Variants in KCNH7 observed in about 807,000 individuals in gnomAD.
KCNH7 encodes voltage-gated inwardly rectifying potassium channel KCNH7.
In KCNH7, 49 loss-of-function variants were observed where a neutral mutation model predicts 120.8. The ratio of observed to expected loss-of-function variants is 0.41; its 90% CI spans 0.32 to 0.51. KCNH7 has a LOEUF of 0.51. Ranked by LOEUF, KCNH7 falls within the 20% of genes least tolerant of loss-of-function variation. KCNH7 has a pLI of 0.38. For missense variants in KCNH7, 1,097 were observed against 1,446.6 expected, an observed-to-expected ratio of 0.76 and a Z score of 3.92; for synonymous variants, 547 against 516.1, an observed-to-expected ratio of 1.06 and a Z score of -0.81.
intron 2 of KCNH7, among the ~76,000 whole-genome samples, chr2:162,777,916 ATATAATT>A (rs1368559850): frequency 6.6e-6 from 1 of 152,176 alleles, no homozygotes; most frequent in East Asian, 1.9e-4. Flanking sequence ...AGCAGATTTT[ATATAATT>A]TATAAGACTG....
intron 4 of KCNH7, among the ~76,000 whole-genome samples, chr2:162,513,157 C>CTCCCTCCCTTCTT (rs1691137376): frequency 1.7e-5 from 1 of 58,428 alleles, no homozygotes; most frequent in Admixed American, 1.8e-4. Context: ...TCCTTCCTCC[C>CTCCCTCCCTTCTT]TCCCTCCCTC....
At chr2:162,615,870 T>C (rs950537243) in intron 2 of KCNH7, among the ~76,000 whole-genome samples, 3 of 152,188 alleles carry the variant, frequency 2.0e-5, no homozygotes, top group Admixed American at 2.0e-4. Context: ...CTAAATACAC[T>C]GGCAAGAGAA....
rs1683315965 is a variant in KCNH7 at position 162,777,985 on chromosome 2, AC to A, written c.307+58551del. ...GGCTAACTTTGTCCAATATGGTGAC[AC>A]TTTTTGGCATGCGTGTGGTAAATGA... On this transcript the variant is annotated intron_variant, in intron 2 of 15. Transcript: ENST00000332142. Among the ~76,000 whole-genome samples, 3 of 152,142 alleles carry A rather than the reference AC, an allele frequency of 2.0e-5. No individual in the cohort carries two copies. The South Asian group carries it at 6.2e-4, about 31-fold the overall frequency.
intron 2 of KCNH7, among the ~76,000 whole-genome samples, chr2:162,588,459 A>G (rs1694094897): frequency 6.6e-6 from 1 of 152,032 alleles, no homozygotes; most frequent in South Asian, 2.1e-4. Flanking sequence ...CCCCCTCAAA[A>G]ACAAAACTTG....
At chr2:162,700,701 A>T (rs1236923750) in intron 2 of KCNH7, among the ~76,000 whole-genome samples, 1 of 152,184 alleles carries the variant, frequency 6.6e-6, no homozygotes, top group African/African-American at 2.4e-5. Context: ...TTTCTTAGTG[A>T]TTGTGTCAGA....
At chr2:162,570,223 G>C (rs1037451517) in intron 2 of KCNH7, among the ~76,000 whole-genome samples, 4 of 149,654 alleles carry the variant, frequency 2.7e-5, no homozygotes, top group Admixed American at 6.7e-5. Flanking sequence ...CCTGTATTGG[G>C]TGCATATATA....
At chr2:162,658,900 CAAT>C (rs1344175275) in intron 2 of KCNH7, among the ~76,000 whole-genome samples, 2 of 152,120 alleles carry the variant, frequency 1.3e-5, no homozygotes, top group African/African-American at 2.4e-5. Context: ...TCTACACAGA[CAAT>C]AATGCCATCT....
At chr2:162,766,068 C>T (rs1682792338) in intron 2 of KCNH7, among the ~76,000 whole-genome samples, 1 of 152,026 alleles carries the variant, frequency 6.6e-6, no homozygotes, top group Admixed American at 6.6e-5. Flanking sequence ...AAATGCTCTG[C>T]TATTCATACT....
chr2:162,837,050 G>A (rs781060012), intron 1 of KCNH7, among the ~76,000 whole-genome samples: 3 of 152,146 alleles, frequency 2.0e-5, no homozygotes, highest in African/African-American at 2.4e-5. Context: ...CTGCAACTGC[G>A]GGGGTTCCTA....
At chr2:162,456,281 T>C (rs1485249811) in intron 6 of KCNH7, among the ~76,000 whole-genome samples, 3 of 152,102 alleles carry the variant, frequency 2.0e-5, no homozygotes, top group Non-Finnish European at 2.9e-5. Flanking sequence ...TCTAATTTGA[T>C]TGGACTGTGG....
chr2:162,596,962 A>C (rs1694399870), intron 2 of KCNH7, among the ~76,000 whole-genome samples: 1 of 152,114 alleles, frequency 6.6e-6, no homozygotes, highest in Non-Finnish European at 1.5e-5. Context: ...CATGCTTAAC[A>C]CTACTATCAG....
In KCNH7 at chr2:162,373,668, G is replaced by A; in HGVS notation, c.3132-6C>T. 1 of 1,461,564 alleles carries A rather than the reference G, an allele frequency of 6.8e-7. No individual in the cohort carries two copies. Among genetic ancestry groups the A allele is most frequent in the Non-Finnish European group, 9.1e-7 (1 of 1,101,672 alleles). The allele number at this position is 1,461,564 out of a possible 1,614,324, so 90.5% of individuals were successfully genotyped here. A position where few individuals can be genotyped will look rare whatever the true frequency, so the allele number is the denominator to read the frequency against. On this transcript the variant is annotated splice_region_variant and splice_polypyrimidine_tract_variant and intron_variant, in intron 14 of 15. Transcript: ENST00000332142. Reference sequence around the variant, plus strand: ...TGGTCATTTGGGATTCAAGCCTACAGAACAGACAGAAGTAGGAAAAGACAG... The same window carrying A: ...TGGTCATTTGGGATTCAAGCCTACAAAACAGACAGAAGTAGGAAAAGACAG...
chr2:162,690,142 T>C (rs1332679897), intron 2 of KCNH7, among the ~76,000 whole-genome samples: 1 of 152,106 alleles, frequency 6.6e-6, no homozygotes, highest in African/African-American at 2.4e-5. Flanking sequence ...GAAAACCAAA[T>C]ACTACATATT....
At chr2:162,593,609 C>CTCATATGTGA (rs577766453) in intron 2 of KCNH7, among the ~76,000 whole-genome samples, 405 of 152,140 alleles carry the variant, frequency 2.7e-3, no homozygotes, top group African/African-American at 9.3e-3. Context: ...ATCGCCACTT[C>CTCATATGTGA]TCATATGTGA....
intron 2 of KCNH7, chr2:162,796,008 A>C (rs899092379): frequency 6.6e-6 from 1 of 152,106 alleles, no homozygotes; most frequent in Non-Finnish European, 1.5e-5. Flanking sequence ...AAGAAAAACC[A>C]GGCTCAAGGA....
chr2:162,787,984 T>C (rs1312649513), intron 2 of KCNH7, among the ~76,000 whole-genome samples: 1 of 152,222 alleles, frequency 6.6e-6, no homozygotes, highest in Non-Finnish European at 1.5e-5. Flanking sequence ...ACTGGTGAAG[T>C]GCTTTCTTTG....
chr2:162,815,407 T>C (rs961478200), intron 2 of KCNH7, among the ~76,000 whole-genome samples: 4 of 152,202 alleles, frequency 2.6e-5, no homozygotes, highest in African/African-American at 9.6e-5. Flanking sequence ...ATAATTAGGA[T>C]GCAGTTCAAG....
At chr2:162,657,402 A>T (rs150428571) in intron 2 of KCNH7, among the ~76,000 whole-genome samples, 1 of 152,114 alleles carries the variant, frequency 6.6e-6, no homozygotes, top group Non-Finnish European at 1.5e-5. Context: ...TACAGCTGTC[A>T]TCTCACAGTA....
At position 162,517,873 on chromosome 2, in the gene KCNH7, T is replaced by C; in HGVS notation, c.749A>G (p.Asp250Gly). Residue 250 changes from aspartate (D) to glycine (G), a missense_variant, in exon 4 of 16, where the codon GAC becomes GGC. Transcript: ENST00000332142. ...CAGCTGGGAACTTGACTGCAGCATG[T>C]CAGGGTAGAGTCGGTCCCATTGCCT... ...PKRQWDRLYP[D>G]MLQSSSQLSH... is the part of the protein sequence containing the mutation. 1 of 1,612,464 alleles carries C rather than the reference T, an allele frequency of 6.2e-7. No individual in the cohort carries two copies. The highest frequency in any genetic ancestry group is 8.5e-7 in the Non-Finnish European group (1 of 1,178,946).
Sources: gnomAD v4.1 joint callset for allele counts (sites outside exome capture counted in the v4.1 genomes callset) on GRCh38, gnomAD v4.1.1 for gene constraint, MANE v1.5 for transcripts, NCBI Gene and HGNC (gene_info 2026-07-23, HGNC 2026-07-21) for gene names.